ELMO1: variants seen among roughly 807,000 people sequenced by gnomAD.
ELMO1 encodes engulfment and cell motility 1.
ELMO1 carries 26 observed loss-of-function variants against 98.9 expected under a neutral mutation model. The observed-to-expected ratio is 0.26, with a 90% confidence interval of 0.19 to 0.36. The LOEUF (loss-of-function observed/expected upper bound fraction) is 0.36. Among genes scored for constraint, ELMO1 ranks in the 10% least tolerant of loss-of-function variants. ELMO1 has a pLI of 1.00. For synonymous variants in ELMO1, 346 were observed against 346.0 expected (o/e 1.00, Z 0.00); for missense variants, 627 against 935.2 (o/e 0.67, Z 4.30).
intron 1 of ELMO1, among the ~76,000 whole-genome samples, chr7:37,425,669 T>C (rs751770519): frequency 7.9e-5 from 12 of 152,212 alleles, no homozygotes; most frequent in Non-Finnish European, 1.6e-4. Flanking sequence ...ATGTGTAAAA[T>C]GAGTTTAAAA....
chr7:37,374,159 G>A (rs1324093508), intron 1 of ELMO1, among the ~76,000 whole-genome samples: 2 of 152,090 alleles, frequency 1.3e-5, no homozygotes, highest in African/African-American at 4.8e-5. Flanking sequence ...AACAATACAG[G>A]GTGCACAATG....
intron 16 of ELMO1, among the ~76,000 whole-genome samples, chr7:37,001,354 A>G (rs528780511): frequency 3.9e-5 from 6 of 152,358 alleles, no homozygotes; most frequent in African/African-American, 1.4e-4. Flanking sequence ...TTTAATGATC[A>G]TTGAATTAAA....
intron 14 of ELMO1, among the ~76,000 whole-genome samples, chr7:37,117,728 G>A (rs1444012148): frequency 2.6e-5 from 4 of 152,128 alleles, no homozygotes; most frequent in Admixed American, 2.6e-4. Context: ...GTGGACCTTG[G>A]TTAAAGAAAG....
intron 13 of ELMO1, among the ~76,000 whole-genome samples, chr7:37,169,808 G>A (rs541407228): frequency 1.3e-5 from 2 of 152,276 alleles, no homozygotes; most frequent in African/African-American, 4.8e-5. Flanking sequence ...TGGCATTTTG[G>A]CTTACGAGCA....
intron 15 of ELMO1, among the ~76,000 whole-genome samples, chr7:37,051,588 T>C (rs1320621935): frequency 6.6e-6 from 1 of 152,148 alleles, no homozygotes; most frequent in Non-Finnish European, 1.5e-5. Context: ...GGTGTTTTTT[T>C]TTTTGTCTCT....
chr7:37,309,877 T>C (rs1028345313), intron 4 of ELMO1, among the ~76,000 whole-genome samples: 8 of 152,208 alleles, frequency 5.3e-5, no homozygotes, highest in African/African-American at 1.9e-4. Flanking sequence ...CTTCAATCCT[T>C]TCTGGAGACT....
intron 8 of ELMO1, among the ~76,000 whole-genome samples, chr7:37,230,987 A>G (rs1794141396): frequency 6.6e-6 from 1 of 152,160 alleles, no homozygotes; most frequent in Admixed American, 6.5e-5. Flanking sequence ...CGGTTTTTGC[A>G]TTACTCTTAA....
chr7:37,119,087 C>T (rs571283028), intron 14 of ELMO1, among the ~76,000 whole-genome samples: 12 of 152,322 alleles, frequency 7.9e-5, no homozygotes, highest in African/African-American at 2.4e-4. Context: ...CAGTGGCAAC[C>T]TCAGAGGGGT....
chr7:37,196,311 T>C (rs1304088786), intron 13 of ELMO1, among the ~76,000 whole-genome samples: 1 of 152,220 alleles, frequency 6.6e-6, no homozygotes, highest in African/African-American at 2.4e-5. Flanking sequence ...ACACTGGCCC[T>C]GCCACTTGCT....
chr7:37,291,631 T>C (rs1157797507), intron 4 of ELMO1, among the ~76,000 whole-genome samples: 1 of 152,150 alleles, frequency 6.6e-6, no homozygotes, highest in Non-Finnish European at 1.5e-5. Context: ...TAAAGACACG[T>C]AGGCCAGGCG....
At chr7:37,015,101 A>AT in intron 15 of ELMO1, among the ~76,000 whole-genome samples, 1 of 152,024 alleles carries the variant, frequency 6.6e-6, no homozygotes, top group South Asian at 2.1e-4. Context: ...ACAGCTCACC[A>AT]TTTCTAAAGG....
At chr7:37,130,297 C>G (rs141199930) in intron 14 of ELMO1, among the ~76,000 whole-genome samples, 2 of 152,286 alleles carry the variant, frequency 1.3e-5, no homozygotes, top group Middle Eastern at 3.4e-3. Context: ...GAATCCCCAT[C>G]CTTTGGCTCA....
At chr7:36,930,487 T>C (rs1785947145) in intron 16 of ELMO1, among the ~76,000 whole-genome samples, 3 of 152,374 alleles carry the variant, frequency 2.0e-5, no homozygotes, top group Middle Eastern at 6.8e-3. Flanking sequence ...TAAAATTACA[T>C]ATGCTTTTAA....
At chr7:37,070,088 C>T (rs548866918) in intron 15 of ELMO1, among the ~76,000 whole-genome samples, 1 of 152,254 alleles carries the variant, frequency 6.6e-6, no homozygotes, top group Non-Finnish European at 1.5e-5. Context: ...CAAATAAATG[C>T]AATTTTCTTT....
intron 4 of ELMO1, among the ~76,000 whole-genome samples, chr7:37,276,185 T>C (rs1796822469): frequency 2.0e-5 from 3 of 152,202 alleles, no homozygotes; most frequent in African/African-American, 7.2e-5. Context: ...TCCTAGGTTG[T>C]TCTGAGGACC....
chr7:36,910,405 A>G (rs1342017478), intron 16 of ELMO1, among the ~76,000 whole-genome samples: 3 of 152,224 alleles, frequency 2.0e-5, no homozygotes, highest in African/African-American at 7.2e-5. Context: ...CACTAAATGA[A>G]CAAAGCAGGC....
At chr7:37,197,488 A>C (rs1792035359) in intron 13 of ELMO1, among the ~76,000 whole-genome samples, 1 of 152,260 alleles carries the variant, frequency 6.6e-6, no homozygotes, top group East Asian at 1.9e-4. Flanking sequence ...CATCACACTG[A>C]ATTCAGAGGT....
chr7:37,045,914 T>C (rs1054536129), intron 15 of ELMO1, among the ~76,000 whole-genome samples: 2 of 152,158 alleles, frequency 1.3e-5, no homozygotes, highest in Admixed American at 1.3e-4. Context: ...AGGCGAAGGA[T>C]AGCCTTCCTA....
chr7:37,109,694 A>G (rs1000341345), intron 14 of ELMO1, among the ~76,000 whole-genome samples: 3 of 152,008 alleles, frequency 2.0e-5, no homozygotes, highest in African/African-American at 7.3e-5. Context: ...CTTCCCCTTC[A>G]TTCTTATTGG....
Sources: allele counts gnomAD v4.1 joint callset (sites outside exome capture counted in the v4.1 genomes callset), GRCh38; gene constraint gnomAD v4.1.1; transcripts MANE v1.5; gene names NCBI Gene and HGNC (gene_info 2026-07-23, HGNC 2026-07-21).